PDZD2: variants seen among roughly 807,000 people sequenced by gnomAD.
PDZD2 encodes PDZ domain-containing protein 2.
A neutral mutation model predicts 220.7 loss-of-function variants in PDZD2; 90 were observed. The observed-to-expected ratio is 0.41, with a 90% CI of 0.34 to 0.49. PDZD2 has a LOEUF of 0.49. Ranked by LOEUF, PDZD2 falls within the 20% of genes least tolerant of loss-of-function variation. The pLI is 0.28. For missense variants in PDZD2, 3,174 were observed against 3,608.5 expected (o/e 0.88, Z 3.08); for synonymous variants, 1,375 against 1,450.5 (o/e 0.95, Z 1.18).
Position 31,899,500 on chromosome 5 carries a change from T to C in PDZD2, c.477-83655T>C, listed in dbSNP as rs1358593941. ...TTGTCCTGGAAGGTGAGCTTCCTGCTGACAGCACAGTCTCAGTATTGGCAC... is the reference window on the plus strand; with the variant it reads ...TTGTCCTGGAAGGTGAGCTTCCTGCCGACAGCACAGTCTCAGTATTGGCAC... On this transcript the variant is annotated intron_variant, in intron 2 of 24. Coordinates refer to ENST00000438447, the MANE Select transcript of PDZD2 (RefSeq NM_178140.4). Among the ~76,000 whole-genome samples, 4 of 152,322 alleles carry C rather than the reference T, an allele frequency of 2.6e-5. 1 individual carries two copies. The highest frequency in any genetic ancestry group is 4.1e-4 in the South Asian group (2 of 4,828).
intron 2 of PDZD2, among the ~76,000 whole-genome samples, chr5:31,898,028 A>G (rs1382121541): frequency 6.6e-6 from 1 of 152,182 alleles, no homozygotes; most frequent in African/African-American, 2.4e-5. Flanking sequence ...GGCATGAGCC[A>G]CCGCACCCAG....
At chr5:31,667,855 C>CTTTTT (rs561833214) in intron 1 of PDZD2, among the ~76,000 whole-genome samples, 44 of 77,964 alleles carry the variant, frequency 5.6e-4, no homozygotes, top group Admixed American at 1.2e-3. Flanking sequence ...TTTTTTTTTC[C>CTTTTT]TTTTTTTTTT....
chr5:31,796,315 C>G (rs747623170), intron 1 of PDZD2, among the ~76,000 whole-genome samples: 1 of 152,150 alleles, frequency 6.6e-6, no homozygotes, highest in Non-Finnish European at 1.5e-5. Context: ...GCAATGCAGC[C>G]CCGTCCAGGA....
intron 2 of PDZD2, among the ~76,000 whole-genome samples, chr5:31,830,346 T>TTTTA (rs1425129306): frequency 4.7e-5 from 7 of 148,214 alleles, no homozygotes; most frequent in Admixed American, 2.0e-4. Context: ...TTTTTTTTTT[T>TTTTA]TTTGTATTTT....
intron 5 of PDZD2, among the ~76,000 whole-genome samples, chr5:32,006,577 G>C (rs1484824312): frequency 1.3e-5 from 2 of 150,960 alleles, no homozygotes; most frequent in Non-Finnish European, 2.9e-5. Context: ...ATCTCTCTCT[G>C]TGTTGCTCAG....
chr5:31,796,686 T>G (rs1403082861), intron 1 of PDZD2, among the ~76,000 whole-genome samples: 1 of 152,056 alleles, frequency 6.6e-6, no homozygotes, highest in African/African-American at 2.4e-5. Flanking sequence ...TTTATGTATC[T>G]CCCCACTAGA....
intron 17 of PDZD2, among the ~76,000 whole-genome samples, chr5:32,073,294 CA>C (rs991048347): frequency 1.3e-5 from 2 of 152,116 alleles, no homozygotes; most frequent in African/African-American, 4.8e-5. Flanking sequence ...AAAATCGTTG[CA>C]GATTCAGGTT....
intron 2 of PDZD2, among the ~76,000 whole-genome samples, chr5:31,815,543 C>T (rs1755396983): frequency 6.6e-6 from 1 of 152,164 alleles, no homozygotes; most frequent in Non-Finnish European, 1.5e-5. Flanking sequence ...TACAAAGAGT[C>T]TGTTTTGTCT....
At chr5:32,013,946 G>C (rs576573163) in intron 6 of PDZD2, among the ~76,000 whole-genome samples, 21 of 152,226 alleles carry the variant, frequency 1.4e-4, no homozygotes, top group Non-Finnish European at 2.4e-4. Flanking sequence ...GAGCCCTGCA[G>C]GGGGCAGGAA....
intron 2 of PDZD2, among the ~76,000 whole-genome samples, chr5:31,950,160 C>G (rs1747053058): frequency 6.6e-6 from 1 of 152,112 alleles, no homozygotes; most frequent in Non-Finnish European, 1.5e-5. Flanking sequence ...CTATGAGACC[C>G]CATAGGTTGT....
chr5:32,079,280 CA>C lies in PDZD2; in HGVS notation c.3682+1686del, dbSNP rs1321874066. On this transcript the variant is annotated intron_variant, in intron 19 of 24. Coordinates refer to ENST00000438447, the MANE Select transcript of PDZD2 (RefSeq NM_178140.4). ...TCTCAAAAAAAAAACAAAAAAAAAACAAAAAAAAAAAAGGAAATCTGGATTC... is the reference window on the plus strand; with the variant it reads ...TCTCAAAAAAAAAACAAAAAAAAAACAAAAAAAAAAAGGAAATCTGGATTC... 1.5e-3 allele frequency among the ~76,000 whole-genome samples: 176 copies of C among 121,206 alleles called. 1 individual carries two copies. The highest frequency in any genetic ancestry group is 2.4e-3 in the African/African-American group (70 of 29,356). 79.5% of individuals were successfully genotyped at this position (121,206 alleles called of 152,430 possible).
At chr5:31,675,127 G>C (rs1389932696) in intron 1 of PDZD2, among the ~76,000 whole-genome samples, 2 of 151,306 alleles carry the variant, frequency 1.3e-5, no homozygotes, top group Non-Finnish European at 2.9e-5. Flanking sequence ...TCTCCTATCA[G>C]CCAATCCTCT....
Position 32,088,164 on chromosome 5 carries a change from T to C in PDZD2, c.4716T>C (p.Ser1572=), listed in dbSNP as rs1469091090. ...CACTCACTGAAGCCCCACGAGCTTC[T>C]GCCAGGGACGGCTGGTCCCCTCCTC... The part of the protein sequence containing the change: ...PESLTEAPRA[S]ARDGWSPPRS... Residue 1572 remains serine (S), a synonymous_variant, in exon 20 of 25, where the codon TCT becomes TCC. Transcript: ENST00000438447. The surrounding 1 kb of genome is among the most constrained non-coding windows in gnomAD (Gnocchi z 4.6). 1.2e-6 allele frequency: 2 copies of C among 1,614,024 alleles called. No individual in the cohort carries two copies. The highest frequency in any genetic ancestry group is 1.7e-6 in the Non-Finnish European group (2 of 1,179,974).
rs183928130 is a variant in PDZD2, at chr5:31,880,975, T to C, written c.476+81251T>C. 2.6e-4 allele frequency among the ~76,000 whole-genome samples: 40 copies of C among 151,778 alleles called. No homozygotes were observed. In the East Asian group the frequency reaches 7.6e-3, roughly 29 times the overall value. On this transcript the variant is annotated intron_variant, in intron 2 of 24. Transcript: ENST00000438447. ...TACCACCATGCCCGGCTAATTTCTG[T>C]ATTTTTAGTAGAGACGGGGTTTCAC...
intron 6 of PDZD2, among the ~76,000 whole-genome samples, chr5:32,012,790 A>C (rs1753429657): frequency 6.6e-6 from 1 of 152,062 alleles, no homozygotes; most frequent in African/African-American, 2.4e-5. Context: ...TCTAATAAAT[A>C]ACCTATTACA....
intron 1 of PDZD2, among the ~76,000 whole-genome samples, chr5:31,726,117 T>C (rs1016470990): frequency 1.3e-5 from 2 of 152,194 alleles, no homozygotes; most frequent in Admixed American, 6.5e-5. Context: ...GTCCTGAGCC[T>C]GCCTTTCCTT....
intron 24 of PDZD2, chr5:32,103,330 A>C (rs2111712047): frequency 6.6e-6 from 1 of 152,476 alleles, no homozygotes; most frequent in African/African-American, 2.4e-5. Flanking sequence ...AGGCAGAAGG[A>C]TCGCTTCAGC....
At chr5:31,992,227 T>C (rs937641808) in intron 3 of PDZD2, among the ~76,000 whole-genome samples, 1 of 152,118 alleles carries the variant, frequency 6.6e-6, no homozygotes, top group African/African-American at 2.4e-5. Flanking sequence ...TGTTATCGGA[T>C]AAAAGTGAAA....
chr5:32,070,548 G>C (rs1209387543), intron 15 of PDZD2, among the ~76,000 whole-genome samples: 3 of 152,158 alleles, frequency 2.0e-5, no homozygotes, highest in African/African-American at 7.2e-5. Context: ...TTTAAATCCT[G>C]AGCCTTTTCA....
Sources: gnomAD v4.1 joint callset for allele counts (sites outside exome capture counted in the v4.1 genomes callset) on GRCh38, gnomAD v4.1.1 for gene constraint, Gnocchi (gnomAD v3.1) non-coding constraint, MANE v1.5 for transcripts, NCBI Gene and HGNC (gene_info 2026-07-23, HGNC 2026-07-21) for gene names.